The following ITGB3 variants were observed in gnomAD, a reference collection of about 807,000 sequenced individuals.
ITGB3 encodes integrin beta-3.
A neutral mutation model predicts 85.8 loss-of-function variants in ITGB3; 48 were observed. The observed-to-expected ratio is 0.56, with a 90% CI of 0.44 to 0.71. ITGB3 has a LOEUF of 0.71. Ranked by LOEUF, ITGB3 falls within the 30% of genes least tolerant of loss-of-function variation. The probability of loss-of-function intolerance (pLI) is 0.00; values close to 1 mark genes in which losing one functional copy is unlikely to be tolerated. For synonymous variants in ITGB3, 363 were observed against 395.6 expected (o/e 0.92, Z 0.98); for missense variants, 861 against 1,019.1 (o/e 0.84, Z 2.11).
At position 47,283,527 on chromosome 17, in the gene ITGB3, G is replaced by T; in HGVS notation, c.339G>T (p.Arg113Ser). ...AGGTCACTCAAGTCAGTCCCCAGAG[G>T]ATTGCACTCCGGCTCCGGCCAGGTA... ...SSQVTQVSPQ[R>S]IALRLRPDDS... Residue 113 changes from arginine to serine, a missense_variant, in exon 3 of 15, where the codon AGG (arginine) becomes AGT (serine). By Grantham distance (110) the Arg-to-Ser change is moderately radical. Transcript: ENST00000559488. 6.2e-7 allele frequency: 1 copy of T among 1,614,250 alleles called. No individual in the cohort carries two copies. The highest frequency in any genetic ancestry group is 8.5e-7 in the Non-Finnish European group (1 of 1,180,050).
At chr17:47,255,546 C>G (rs1022793889) in intron 1 of ITGB3, among the ~76,000 whole-genome samples, 1 of 151,960 alleles carries the variant, frequency 6.6e-6, no homozygotes, top group Non-Finnish European at 1.5e-5. Flanking sequence ...CTCAGCCTCC[C>G]GAGTAGCTGG....
intron 10 of ITGB3, among the ~76,000 whole-genome samples, chr17:47,293,084 T>C (rs2065133440): frequency 6.6e-6 from 1 of 152,216 alleles, no homozygotes; most frequent in Admixed American, 6.5e-5. Context: ...AAAATTCAGT[T>C]CTTCAGCTCA....
chr17:47,283,438 G>A lies in ITGB3; in HGVS notation c.250G>A (p.Val84Met). The A allele has an allele frequency of 6.2e-7, 1 of 1,614,226 alleles. No homozygotes were observed. The highest frequency in any genetic ancestry group is 1.1e-5 in the South Asian group (1 of 91,088). Residue 84 changes from valine (V) to methionine (M), a missense_variant, in exon 3 of 15, where the codon GTG becomes ATG. Physicochemically the swap from Val to Met is conservative, Grantham distance 21 (BLOSUM62 1). Transcript: ENST00000559488. ...TGCCCCAGAATCCATCGAGTTCCCAGTGAGTGAGGCCCGAGTACTAGAGGA... is the reference window on the plus strand; with the variant it reads ...TGCCCCAGAATCCATCGAGTTCCCAATGAGTGAGGCCCGAGTACTAGAGGA... The part of the protein sequence containing the change: ...NCAPESIEFP[V>M]SEARVLEDRP...
rs551597470 is a variant in ITGB3, at chr17:47,286,931, G to A, written c.778-139G>A. On this transcript the variant is annotated intron_variant, in intron 5 of 14. Transcript: ENST00000559488. ...CTTCAGCTTCGGTTCCAAGGACTGG[G>A]ACTGAGACCCTTGTTTTGAAGAAAA... 73 of 786,786 alleles carry A rather than the reference G, an allele frequency of 9.3e-5. No individual in the cohort carries two copies. The South Asian group carries it at 1.2e-3, about 13-fold the overall frequency. 48.7% of individuals were successfully genotyped at this position (786,786 alleles called of 1,614,324 possible).
intron 2 of ITGB3, among the ~76,000 whole-genome samples, chr17:47,279,217 T>C (rs1346373296): frequency 6.6e-6 from 1 of 152,236 alleles, no homozygotes. Flanking sequence ...CCCACCTCTG[T>C]GCTCAGGCCC....
chr17:47,305,379 T>C (rs566621952), intron 13 of ITGB3: 5 of 152,572 alleles, frequency 3.3e-5, no homozygotes, highest in East Asian at 1.9e-4. Context: ...GTGGTGAGCA[T>C]TGGGTATATG....
intron 2 of ITGB3, among the ~76,000 whole-genome samples, chr17:47,282,670 A>G (rs1421869088): frequency 6.6e-6 from 1 of 152,212 alleles, no homozygotes. Context: ...AGAGGGGCCA[A>G]GACACACACA....
chr17:47,263,889 CAAA>C (rs1567759340), intron 1 of ITGB3, among the ~76,000 whole-genome samples: 1 of 152,146 alleles, frequency 6.6e-6, no homozygotes, highest in Non-Finnish European at 1.5e-5. Context: ...CTTGCTCAGA[CAAA>C]AATCCTTCCT....
In ITGB3 at chr17:47,299,416, T is replaced by C; in HGVS notation, c.1799T>C (p.Leu600Pro). Residue 600 changes from leucine to proline, a missense_variant, in exon 11 of 15, where the codon CTG becomes CCG. Leu to Pro is a moderately conservative substitution (Grantham distance 98, BLOSUM62 -3). Transcript: ENST00000559488. The surrounding 1 kb of genome is among the most constrained non-coding windows in gnomAD (Gnocchi z 5.1). ...ACCTGCATGTCCAGCAATGGGCTGC[T>C]GTGCAGCGGCCGCGGCAAGTGTGAA... ...TDTCMSSNGL[L>P]CSGRGKCECG... is the part of the protein sequence containing the mutation. 1 of 1,614,278 alleles carries C rather than the reference T, an allele frequency of 6.2e-7. No homozygotes were observed. Among genetic ancestry groups the C allele is most frequent in the Non-Finnish European group, 8.5e-7 (1 of 1,180,046 alleles).
chr17:47,307,377 CTTAG>C, intron 13 of ITGB3, 90 bp from the exon 14 acceptor site: 2 of 1,395,072 alleles, frequency 1.4e-6, no homozygotes, highest in South Asian at 1.2e-5. Context: ...CTTCAAGGAC[CTTAG>C]TTACTTTGTC....
chr17:47,291,590 T>C, intron 9 of ITGB3: 1 of 265,650 alleles, frequency 3.8e-6, no homozygotes, highest in Non-Finnish European at 7.1e-6. Context: ...AGAAAATAGA[T>C]CTTTGGATAC....
intron 13 of ITGB3, chr17:47,305,685 T>C (rs149771167): frequency 1.6e-4 from 24 of 152,292 alleles, no homozygotes; most frequent in African/African-American, 5.5e-4. Context: ...ACCCAAAATA[T>C]TGTCTTGGCT....
chr17:47,265,713 A>G (rs1343797334), intron 1 of ITGB3, among the ~76,000 whole-genome samples: 3 of 152,216 alleles, frequency 2.0e-5, no homozygotes, highest in Non-Finnish European at 4.4e-5. Flanking sequence ...TCAACTTATA[A>G]CACATTTTAA....
intron 3 of ITGB3, among the ~76,000 whole-genome samples, 182 bp from the exon 4 acceptor site, chr17:47,284,261 G>C (rs1358133058): frequency 6.6e-6 from 1 of 152,066 alleles, no homozygotes; most frequent in East Asian, 1.9e-4. Context: ...GAAAAGAAGA[G>C]GTTAAAAATA....
intron 9 of ITGB3, 74 bp from the exon 10 acceptor site, chr17:47,292,065 C>T: frequency 6.6e-7 from 1 of 1,513,408 alleles, no homozygotes; most frequent in Non-Finnish European, 9.2e-7. Flanking sequence ...CAGGGAACAA[C>T]TTTTTTTTTC....
At chr17:47,259,264 G>A (rs939039689) in intron 1 of ITGB3, 1 of 138,086 alleles carries the variant, frequency 7.2e-6, no homozygotes, top group Admixed American at 8.3e-5. Flanking sequence ...AAACCTGGGG[G>A]CTATTCTACC....
intron 13 of ITGB3, chr17:47,303,552 G>A (rs1567769777): frequency 6.6e-6 from 1 of 152,490 alleles, no homozygotes; most frequent in Non-Finnish European, 1.5e-5. Context: ...CAACTTGACT[G>A]TGCTTCAGAG....
Position 47,284,480 on chromosome 17 carries a change from G to A in ITGB3, c.399G>A (p.Val133=). 1 of 1,614,092 alleles carries A rather than the reference G, an allele frequency of 6.2e-7. No homozygotes were observed. Among genetic ancestry groups the A allele is most frequent in the Admixed American group, 1.7e-5 (1 of 60,014 alleles). ...ATTTCTCCATCCAAGTGCGGCAGGT[G>A]GAGGATTACCCTGTGGACATCTACT... is the stretch of plus-strand genomic sequence containing the variant. ...SKNFSIQVRQ[V]EDYPVDIYYL... is the part of the protein sequence containing the mutation. Residue 133 remains valine, a synonymous_variant, in exon 4 of 15, where the codon GTG becomes GTA. Transcript: ENST00000559488.
chr17:47,298,845 A>G (rs945023630), intron 10 of ITGB3, among the ~76,000 whole-genome samples: 1 of 152,186 alleles, frequency 6.6e-6, no homozygotes, highest in Non-Finnish European at 1.5e-5. Context: ...GCCTTTTGCC[A>G]TCATCAAGTC....
Sources: allele counts gnomAD v4.1 joint callset (sites outside exome capture counted in the v4.1 genomes callset), GRCh38; gene constraint gnomAD v4.1.1; non-coding constraint Gnocchi (gnomAD v3.1); transcripts MANE v1.5; gene names NCBI Gene and HGNC (gene_info 2026-07-23, HGNC 2026-07-21).